LTBP1: variants seen among roughly 807,000 people sequenced by gnomAD.
LTBP1 encodes latent transforming growth factor beta binding protein 1.
LTBP1 carries 129 observed loss-of-function variants against 207.6 expected under a neutral mutation model. The observed-to-expected ratio is 0.62, with a 90% CI of 0.54 to 0.72. The LOEUF (loss-of-function observed/expected upper bound fraction) is 0.72, where lower values mean the gene tolerates loss of function less well. LTBP1 is among the 30% of genes least tolerant of loss of function. The pLI is 0.00. For synonymous variants in LTBP1, 963 were observed against 833.7 expected, an observed-to-expected ratio of 1.16 and a Z score of -2.67; for missense variants, 2,281 against 2,217.2, an observed-to-expected ratio of 1.03 and a Z score of -0.58.
intron 2 of LTBP1, among the ~76,000 whole-genome samples, chr2:32,952,711 C>T (rs960595894): frequency 3.9e-5 from 6 of 152,090 alleles, no homozygotes; most frequent in African/African-American, 1.4e-4. Flanking sequence ...GTCTTTTTGC[C>T]CCCGTCTCAG....
At chr2:32,987,257 G>A (rs1683737753) in intron 2 of LTBP1, among the ~76,000 whole-genome samples, 1 of 152,146 alleles carries the variant, frequency 6.6e-6, no homozygotes, top group Non-Finnish European at 1.5e-5. Context: ...AGTTGAATGA[G>A]TATAGAAAAA....
At chr2:33,217,697 A>T (rs780828389) in intron 8 of LTBP1, 43 bp downstream of exon 8, 1 of 1,413,662 alleles carries the variant, frequency 7.1e-7, no homozygotes, top group Non-Finnish European at 1.0e-6. Context: ...AATGTAGCAT[A>T]TCTGTTTTTT....
chr2:32,978,869 A>G (rs1326876414), intron 2 of LTBP1, among the ~76,000 whole-genome samples: 1 of 151,772 alleles, frequency 6.6e-6, no homozygotes, highest in Non-Finnish European at 1.5e-5. Context: ...ACTTTTTATT[A>G]CAGCGTTGAT....
intron 2 of LTBP1, among the ~76,000 whole-genome samples, chr2:32,991,488 G>A (rs866735454): frequency 1.3e-5 from 2 of 152,266 alleles, no homozygotes; most frequent in African/African-American, 2.4e-5. Context: ...TCACACATAG[G>A]CTTTCATGAT....
chr2:33,238,059 C>CT (rs142051373), intron 9 of LTBP1, among the ~76,000 whole-genome samples: 59 of 152,206 alleles, frequency 3.9e-4, no homozygotes, highest in African/African-American at 1.3e-3. Context: ...TATATATTGT[C>CT]TAAGTGATCC....
intron 3 of LTBP1, among the ~76,000 whole-genome samples, chr2:33,073,474 A>G (rs2077908410): frequency 6.6e-6 from 1 of 152,178 alleles, no homozygotes; most frequent in African/African-American, 2.4e-5. Flanking sequence ...AAGTCAAGGT[A>G]TTATGAGAAC....
chr2:33,252,638 GT>G, intron 10 of LTBP1, 38 bp from the exon 11 acceptor site: 3 of 1,556,248 alleles, frequency 1.9e-6, no homozygotes, highest in Non-Finnish European at 2.6e-6. Flanking sequence ...TGTAGTTTTG[GT>G]TTCTCATGTA....
intron 2 of LTBP1, among the ~76,000 whole-genome samples, chr2:33,020,277 T>C (rs1470711706): frequency 6.6e-6 from 1 of 152,178 alleles, no homozygotes; most frequent in African/African-American, 2.4e-5. Context: ...GAAGATCTGA[T>C]AGCCTATACA....
At chr2:33,181,921 T>C (rs2086679851) in intron 5 of LTBP1, among the ~76,000 whole-genome samples, 1 of 152,174 alleles carries the variant, frequency 6.6e-6, no homozygotes, top group Admixed American at 6.5e-5. Flanking sequence ...ATCCTAAAGT[T>C]TGTAGGTGTA....
chr2:33,309,672 A>G, intron 23 of LTBP1, 116 bp downstream of exon 23: 1 of 1,213,980 alleles, frequency 8.2e-7, no homozygotes, highest in Non-Finnish European at 1.2e-6. Flanking sequence ...AATTTATGTC[A>G]ATTTTTGATA....
intron 4 of LTBP1, among the ~76,000 whole-genome samples, chr2:33,133,064 A>G (rs897091): frequency 0.96 from 146,611 of 152,268 alleles, 70,623 homozygotes; most frequent in East Asian, 1. Context: ...TTTTCAAGTA[A>G]AGGTTACACG....
intron 5 of LTBP1, among the ~76,000 whole-genome samples, chr2:33,159,974 C>T (rs1231111508): frequency 2.0e-5 from 3 of 152,146 alleles, no homozygotes; most frequent in East Asian, 1.9e-4. Flanking sequence ...CTCTGCCTCC[C>T]GGGCTCAAGC....
chr2:33,182,065 C>G (rs1024865154), intron 5 of LTBP1, among the ~76,000 whole-genome samples: 1 of 152,080 alleles, frequency 6.6e-6, no homozygotes. Flanking sequence ...AATGCTAGAA[C>G]TGGAGAATAG....
At chr2:33,082,926 G>A (rs1376747724) in intron 3 of LTBP1, among the ~76,000 whole-genome samples, 1 of 152,066 alleles carries the variant, frequency 6.6e-6, no homozygotes, top group Non-Finnish European at 1.5e-5. Context: ...GCTAATGCAA[G>A]GTACTCCTGA....
intron 2 of LTBP1, among the ~76,000 whole-genome samples, chr2:33,004,783 AGGAATAT>A (rs1191142765): frequency 4.9e-5 from 5 of 102,842 alleles, no homozygotes; most frequent in Non-Finnish European, 1.0e-4. Context: ...TCAAAAAAAA[AGGAATAT>A]ATATATATAT....
chr2:33,312,173 A>G (rs770063799), intron 23 of LTBP1, among the ~76,000 whole-genome samples: 4 of 152,194 alleles, frequency 2.6e-5, no homozygotes, highest in Non-Finnish European at 5.9e-5. Context: ...TGATCATGTC[A>G]GCATTCTGTG....
At chr2:33,023,555 A>G (rs1276617772) in intron 3 of LTBP1, among the ~76,000 whole-genome samples, 1 of 152,182 alleles carries the variant, frequency 6.6e-6, no homozygotes, top group Non-Finnish European at 1.5e-5. Context: ...TGTTATAGGC[A>G]TGTATATATG....
intron 5 of LTBP1, among the ~76,000 whole-genome samples, chr2:33,172,642 C>T (rs796926742): frequency 6.6e-6 from 1 of 152,122 alleles, no homozygotes; most frequent in Admixed American, 6.6e-5. Context: ...CTCAGCTCTG[C>T]ACCAAGCAGA....
chr2:32,994,590 C>T (rs1003698415), intron 2 of LTBP1, among the ~76,000 whole-genome samples: 1 of 152,016 alleles, frequency 6.6e-6, no homozygotes, highest in African/African-American at 2.4e-5. Context: ...CCTCAGCCTC[C>T]CAAGTAGCTG....
Sources: allele counts gnomAD v4.1 joint callset (sites outside exome capture counted in the v4.1 genomes callset), GRCh38; gene constraint gnomAD v4.1.1; transcripts MANE v1.5; gene names NCBI Gene and HGNC (gene_info 2026-07-23, HGNC 2026-07-21).